The following PARP8 variants were observed in gnomAD, a reference collection of about 807,000 sequenced individuals.
The protein encoded by PARP8 is protein mono-ADP-ribosyltransferase PARP8.
A neutral mutation model predicts 124.1 loss-of-function variants in PARP8; 51 were observed. The ratio of observed to expected loss-of-function variants is 0.41; its 90% CI spans 0.33 to 0.52. PARP8 has a LOEUF of 0.52. PARP8 is among the 20% of genes least tolerant of loss of function. The pLI is 0.21. For missense variants in PARP8, 860 were observed against 1,018.9 expected (o/e 0.84, Z 2.12); for synonymous variants, 391 against 361.5 (o/e 1.08, Z -0.93).
At chr5:50,687,887 A>T (rs1176529586) in intron 2 of PARP8, among the ~76,000 whole-genome samples, 1 of 152,208 alleles carries the variant, frequency 6.6e-6, no homozygotes, top group African/African-American at 2.4e-5. Flanking sequence ...ATAGGGACAC[A>T]GCCAAACCAT....
intron 2 of PARP8, among the ~76,000 whole-genome samples, chr5:50,705,419 T>C (rs1267338863): frequency 6.6e-6 from 1 of 152,078 alleles, no homozygotes; most frequent in South Asian, 2.1e-4. Flanking sequence ...ATATAAACAA[T>C]GTGAAGGTGG....
chr5:50,744,708 C>A (rs1174422153), intron 2 of PARP8: 1 of 694,544 alleles, frequency 1.4e-6, no homozygotes. Flanking sequence ...TCCCAAAATT[C>A]TGAAGGCTTT....
chr5:50,837,290 T>C (rs566497004), intron 25 of PARP8, among the ~76,000 whole-genome samples: 14 of 152,196 alleles, frequency 9.2e-5, no homozygotes, highest in Non-Finnish European at 1.9e-4. Flanking sequence ...TTAAGGAAAA[T>C]TGATAAATTC....
chr5:50,774,712 C>T (rs1403189296), intron 7 of PARP8, among the ~76,000 whole-genome samples: 14 of 120,622 alleles, frequency 1.2e-4, no homozygotes, highest in African/African-American at 2.9e-4. Context: ...CCAGACGGGG[C>T]GGTGGGGCAG....
At chr5:50,822,621 T>C (rs1443811646) in intron 17 of PARP8, among the ~76,000 whole-genome samples, 1 of 152,176 alleles carries the variant, frequency 6.6e-6, no homozygotes, top group East Asian at 1.9e-4. Flanking sequence ...TACTCTGCCC[T>C]CAAACTCGGG....
At chr5:50,786,914 G>T (rs1280231605) in intron 9 of PARP8, among the ~76,000 whole-genome samples, 1 of 151,936 alleles carries the variant, frequency 6.6e-6, no homozygotes, top group Non-Finnish European at 1.5e-5. Context: ...TAAATGCTGG[G>T]CTTCTCCAAT....
At chr5:50,785,862 C>T (rs1430438365) in intron 9 of PARP8, among the ~76,000 whole-genome samples, 1 of 152,066 alleles carries the variant, frequency 6.6e-6, no homozygotes, top group Non-Finnish European at 1.5e-5. Context: ...TTATCTGCTG[C>T]CCCACCTGTT....
chr5:50,834,129 G>C (rs1214304491), intron 24 of PARP8, 81 bp downstream of exon 24: 1 of 1,128,148 alleles, frequency 8.9e-7, no homozygotes, highest in African/African-American at 1.6e-5. Flanking sequence ...TTTACAGAGT[G>C]CTTACGGTGG....
chr5:50,756,260 A>G (rs1029485339), intron 3 of PARP8, among the ~76,000 whole-genome samples: 1 of 152,222 alleles, frequency 6.6e-6, no homozygotes, highest in Non-Finnish European at 1.5e-5. Flanking sequence ...GTCTTGTGCC[A>G]GTTTTCAAAG....
In PARP8 at chr5:50,811,833, G is replaced by A. The variant is rs370889092; in HGVS notation, c.1576-3599G>A. Among the ~76,000 whole-genome samples, 27 of 152,226 alleles carry A rather than the reference G, an allele frequency of 1.8e-4. No homozygotes were observed. The East Asian group carries it at 3.1e-3, about 17-fold the overall frequency. ...AATTCCCACCTATGAGTGAGAACAC[G>A]CGGTGTTTGGTTTTCTGTCTTTGCG... On this transcript the variant is annotated intron_variant, in intron 14 of 25. Coordinates refer to ENST00000281631, the MANE Select transcript of PARP8 (RefSeq NM_024615.4).
intron 2 of PARP8, among the ~76,000 whole-genome samples, chr5:50,719,015 T>A (rs1429901651): frequency 6.6e-6 from 1 of 152,032 alleles, no homozygotes; most frequent in Admixed American, 6.6e-5. Flanking sequence ...TTAAGTGGGG[T>A]GAGATGGTAA....
At chr5:50,774,289 C>T (rs554837266) in intron 7 of PARP8, among the ~76,000 whole-genome samples, 1 of 152,088 alleles carries the variant, frequency 6.6e-6, no homozygotes, top group Non-Finnish European at 1.5e-5. Context: ...CCCCACATTT[C>T]CTCCTTTTCT....
At chr5:50,713,604 CAG>C (rs527606226) in intron 2 of PARP8, among the ~76,000 whole-genome samples, 1 of 151,478 alleles carries the variant, frequency 6.6e-6, no homozygotes, top group Non-Finnish European at 1.5e-5. Context: ...ATGTGGTAGA[CAG>C]AATAATGGCC....
chr5:50,757,967 C>T (rs1580232586), intron 3 of PARP8, among the ~76,000 whole-genome samples: 1 of 152,002 alleles, frequency 6.6e-6, no homozygotes, highest in Non-Finnish European at 1.5e-5. Context: ...TAAATGTTAG[C>T]TCCAGGGACT....
chr5:50,807,439 A>T (rs1425846786), intron 14 of PARP8, among the ~76,000 whole-genome samples: 2 of 152,032 alleles, frequency 1.3e-5, no homozygotes, highest in African/African-American at 4.8e-5. Flanking sequence ...TCATCACAAA[A>T]CCAAACCAAA....
intron 2 of PARP8, among the ~76,000 whole-genome samples, chr5:50,721,391 C>A (rs1755863623): frequency 6.6e-6 from 1 of 152,058 alleles, no homozygotes; most frequent in Non-Finnish European, 1.5e-5. Context: ...TAAAAATTGG[C>A]CAGCTATTTC....
intron 14 of PARP8, among the ~76,000 whole-genome samples, chr5:50,801,011 G>A (rs919097480): frequency 6.6e-6 from 1 of 151,984 alleles, no homozygotes; most frequent in Non-Finnish European, 1.5e-5. Flanking sequence ...TCCTGCCTTA[G>A]CCTCTCAAAG....
chr5:50,701,520 G>GTTTTCATAA (rs1753591723), intron 2 of PARP8, among the ~76,000 whole-genome samples: 1 of 151,874 alleles, frequency 6.6e-6, no homozygotes, highest in Non-Finnish European at 1.5e-5. Context: ...TTTCATAAGT[G>GTTTTCATAA]GCATGCAATA....
intron 2 of PARP8, among the ~76,000 whole-genome samples, chr5:50,678,612 G>A (rs908960491): frequency 2.0e-5 from 3 of 152,064 alleles, no homozygotes; most frequent in Non-Finnish European, 4.4e-5. Context: ...GATAAATCAC[G>A]CTTGTTAACA....
Sources: allele counts gnomAD v4.1 joint callset (sites outside exome capture counted in the v4.1 genomes callset), GRCh38; gene constraint gnomAD v4.1.1; transcripts MANE v1.5; gene names NCBI Gene and HGNC (gene_info 2026-07-23, HGNC 2026-07-21).